Variants in B3GALT1 observed in about 807,000 individuals in gnomAD.
The protein encoded by B3GALT1 is UDP-Gal:betaGlcNAc beta 1,3-galactosyltransferase, polypeptide 1.
B3GALT1 carries 10 observed loss-of-function variants against 23.2 expected under a neutral mutation model. The ratio of observed to expected loss-of-function variants is 0.43; its 90% CI spans 0.27 to 0.73. B3GALT1 has a LOEUF of 0.73. Ranked by LOEUF, B3GALT1 falls within the 30% of genes least tolerant of loss-of-function variation. The pLI is 0.21. For missense variants in B3GALT1, 299 were observed against 405.4 expected (o/e 0.74, Z 2.25); for synonymous variants, 156 against 141.5 (o/e 1.10, Z -0.73).
At position 167,376,186 on chromosome 2, in the gene B3GALT1, G is replaced by T. The variant is rs1400771557; in HGVS notation, c.-511+82852G>T. On this transcript the variant is annotated intron_variant, in intron 1 of 4. Coordinates refer to ENST00000392690, the MANE Select transcript of B3GALT1 (RefSeq NM_020981.4). ...CAGGAATGAAACCTACTTGATCAGGGAATGAAATCTACTTGATCATTGTGA... is the reference window on the plus strand; with the variant it reads ...CAGGAATGAAACCTACTTGATCAGGTAATGAAATCTACTTGATCATTGTGA... Among the ~76,000 whole-genome samples, 7 of 152,158 alleles carry T rather than the reference G, an allele frequency of 4.6e-5. No homozygotes were observed. The East Asian group carries it at 9.6e-4, about 21-fold the overall frequency.
At chr2:167,724,321 C>T (rs1178580552) in intron 3 of B3GALT1, among the ~76,000 whole-genome samples, 1 of 152,174 alleles carries the variant, frequency 6.6e-6, no homozygotes, top group Non-Finnish European at 1.5e-5. Context: ...AGCCCCACAT[C>T]AAAACAAGTA....
At chr2:167,681,416 G>C (rs1686529099) in intron 3 of B3GALT1, among the ~76,000 whole-genome samples, 1 of 152,152 alleles carries the variant, frequency 6.6e-6, no homozygotes, top group Non-Finnish European at 1.5e-5. Flanking sequence ...GATGGTTGCT[G>C]TTAACCAGGC....
At chr2:167,565,013 T>G (rs570614356) in intron 2 of B3GALT1, among the ~76,000 whole-genome samples, 27 of 152,188 alleles carry the variant, frequency 1.8e-4, no homozygotes, top group African/African-American at 4.8e-4. Flanking sequence ...CTACTTTAAA[T>G]TTCATATGGA....
At chr2:167,334,109 AT>A (rs1360927947) in intron 1 of B3GALT1, among the ~76,000 whole-genome samples, 1 of 152,182 alleles carries the variant, frequency 6.6e-6, no homozygotes, top group Non-Finnish European at 1.5e-5. Context: ...TCCTATATAT[AT>A]ATTGGATAAT....
At chr2:167,438,736 TAGAA>T in intron 1 of B3GALT1, among the ~76,000 whole-genome samples, 1 of 152,336 alleles carries the variant, frequency 6.6e-6, no homozygotes, top group East Asian at 1.9e-4. Flanking sequence ...TATACTGAGC[TAGAA>T]AACTACTGAT....
At chr2:167,500,354 T>TG (rs1699834386) in intron 2 of B3GALT1, among the ~76,000 whole-genome samples, 1 of 152,160 alleles carries the variant, frequency 6.6e-6, no homozygotes, top group Non-Finnish European at 1.5e-5. Flanking sequence ...TATTTTTCAG[T>TG]GGCACTTCTT....
chr2:167,364,663 T>C (rs1293600164), intron 1 of B3GALT1, among the ~76,000 whole-genome samples: 4 of 152,188 alleles, frequency 2.6e-5, no homozygotes, highest in Non-Finnish European at 2.9e-5. Flanking sequence ...ACAAAGAACA[T>C]GAACTCATCC....
intron 1 of B3GALT1, among the ~76,000 whole-genome samples, chr2:167,357,512 T>C (rs1239546534): frequency 6.6e-6 from 1 of 152,158 alleles, no homozygotes; most frequent in East Asian, 1.9e-4. Flanking sequence ...CATTTGGATA[T>C]AGTTCATCAC....
chr2:167,610,936 G>A (rs1309731456), intron 2 of B3GALT1, among the ~76,000 whole-genome samples: 1 of 143,670 alleles, frequency 7.0e-6, no homozygotes, highest in Non-Finnish European at 1.5e-5. Flanking sequence ...AAGAGAGAGA[G>A]AGAGAAAAGC....
At chr2:167,408,328 C>T (rs189181411) in intron 1 of B3GALT1, among the ~76,000 whole-genome samples, 1 of 152,114 alleles carries the variant, frequency 6.6e-6, no homozygotes, top group Admixed American at 6.5e-5. Flanking sequence ...TCCCTTATTA[C>T]AAAAAGCCTC....
At chr2:167,756,583 G>A (rs1195749927) in intron 3 of B3GALT1, among the ~76,000 whole-genome samples, 1 of 152,110 alleles carries the variant, frequency 6.6e-6, no homozygotes, top group Non-Finnish European at 1.5e-5. Flanking sequence ...GTAGCTACCC[G>A]GGGAATGGAA....
At chr2:167,803,081 A>ACACACACACAC (rs1553489029) in intron 3 of B3GALT1, among the ~76,000 whole-genome samples, 1 of 141,376 alleles carries the variant, frequency 7.1e-6, no homozygotes, top group Non-Finnish European at 1.5e-5. Context: ...GACCCTAACA[A>ACACACACACAC]ACACACACAC....
chr2:167,866,454 T>TA (rs1296657554), intron 4 of B3GALT1, among the ~76,000 whole-genome samples: 1 of 152,178 alleles, frequency 6.6e-6, no homozygotes, highest in Non-Finnish European at 1.5e-5. Flanking sequence ...ATACTTCACA[T>TA]ACAACCGGCA....
intron 1 of B3GALT1, among the ~76,000 whole-genome samples, chr2:167,477,685 A>G (rs1383454000): frequency 6.6e-6 from 1 of 152,216 alleles, no homozygotes. Context: ...TGTGATGGCT[A>G]CTGCAGAGAA....
At chr2:167,660,691 C>T (rs1686044667) in intron 3 of B3GALT1, among the ~76,000 whole-genome samples, 1 of 152,012 alleles carries the variant, frequency 6.6e-6, no homozygotes, top group Admixed American at 6.6e-5. Context: ...TTAGCCACAC[C>T]CCTATAAGCA....
intron 3 of B3GALT1, among the ~76,000 whole-genome samples, chr2:167,679,305 G>A (rs1686486977): frequency 6.6e-6 from 1 of 152,016 alleles, no homozygotes; most frequent in Non-Finnish European, 1.5e-5. Context: ...TATTAGTAGA[G>A]ACAGGGTTTC....
chr2:167,424,295 C>T (rs965911925), intron 1 of B3GALT1, among the ~76,000 whole-genome samples: 2 of 152,108 alleles, frequency 1.3e-5, no homozygotes, highest in African/African-American at 4.8e-5. Context: ...AACTCTCATG[C>T]TACAAAATGA....
chr2:167,357,061 C>CATATAA (rs149383171), intron 1 of B3GALT1, among the ~76,000 whole-genome samples: 5,054 of 151,980 alleles, frequency 0.033, 252 homozygotes, highest in African/African-American at 0.11. Context: ...TGACAGTACA[C>CATATAA]ATGTGAATAA....
intron 3 of B3GALT1, among the ~76,000 whole-genome samples, chr2:167,753,215 A>G (rs1485452221): frequency 1.3e-5 from 2 of 152,330 alleles, no homozygotes; most frequent in Admixed American, 6.5e-5. Context: ...TAGGAAAATT[A>G]AAACTAAGGT....
Sources: allele counts gnomAD v4.1 joint callset (sites outside exome capture counted in the v4.1 genomes callset), GRCh38; gene constraint gnomAD v4.1.1; transcripts MANE v1.5; gene names NCBI Gene and HGNC (gene_info 2026-07-23, HGNC 2026-07-21).